PPFIA2: variants seen among roughly 807,000 people sequenced by gnomAD.
PPFIA2 encodes PPFI scaffold protein A2.
A neutral mutation model predicts 175.5 loss-of-function variants in PPFIA2; 46 were observed. That is an observed-to-expected ratio of 0.26 (90% CI 0.21 to 0.34). The LOEUF (loss-of-function observed/expected upper bound fraction) is 0.34. Ranked by LOEUF, PPFIA2 falls within the 10% of genes least tolerant of loss-of-function variation. The probability of loss-of-function intolerance (pLI) is 1.00; values close to 1 mark genes in which losing one functional copy is unlikely to be tolerated. For synonymous variants in PPFIA2, 568 were observed against 511.4 expected (o/e 1.11, Z -1.49); for missense variants, 1,179 against 1,506.1 (o/e 0.78, Z 3.60).
At chr12:81,339,424 G>C in intron 20 of PPFIA2, 90 bp from the exon 21 acceptor site, 1 of 1,037,532 alleles carries the variant, frequency 9.6e-7, no homozygotes, top group Non-Finnish European at 1.3e-6. Flanking sequence ...GGAGGAACAA[G>C]CAGACTTGTA....
intron 17 of PPFIA2, chr12:81,350,371 A>G (rs545331684): frequency 6.6e-6 from 1 of 152,340 alleles, no homozygotes; most frequent in South Asian, 2.1e-4. Context: ...AAAGCCAGAT[A>G]CATTTCTTGC....
At chr12:81,706,012 T>C (rs1174930424) in intron 3 of PPFIA2, among the ~76,000 whole-genome samples, 3 of 151,990 alleles carry the variant, frequency 2.0e-5, no homozygotes, top group African/African-American at 7.2e-5. Flanking sequence ...TTAAAAGTAT[T>C]TTTTTATTTA....
At position 81,485,365 on chromosome 12, in the gene PPFIA2, A is replaced by G. The variant is rs1403167617; in HGVS notation, c.304-27499T>C. Among the ~76,000 whole-genome samples, 9 of 151,668 alleles carry G rather than the reference A, an allele frequency of 5.9e-5. No homozygotes were observed. In the Admixed American group the frequency reaches 5.9e-4, roughly 10 times the overall value. ...TAATACACTTTATATAATTATTCTT[A>G]CATATTACATACTCAATAAATATAT... On this transcript the variant is annotated intron_variant, in intron 4 of 32. Transcript: ENST00000549396.
chr12:81,394,003 T>C lies in PPFIA2; in HGVS notation c.763-9759A>G, dbSNP rs566405424. ...GACAGTGGGTTATTGCAGTGGTGCA[T>C]GGATGGTGTTGGATTTTGAGGGAAC... On this transcript the variant is annotated intron_variant, in intron 8 of 32. Coordinates refer to ENST00000549396, the MANE Select transcript of PPFIA2 (RefSeq NM_003625.5). Among the ~76,000 whole-genome samples, 19 of 152,144 alleles carry C rather than the reference T, an allele frequency of 1.2e-4. No individual in the cohort carries two copies. The East Asian group carries it at 3.5e-3, about 28-fold the overall frequency.
intron 4 of PPFIA2, among the ~76,000 whole-genome samples, chr12:81,601,353 T>C (rs2059769871): frequency 6.6e-6 from 1 of 151,882 alleles, no homozygotes; most frequent in Non-Finnish European, 1.5e-5. Flanking sequence ...CTGGTAGCAA[T>C]AGGAAAGGTG....
rs201236206 is a variant in PPFIA2 at position 81,358,188 on chromosome 12, C to T, written c.1667G>A (p.Arg556Gln). 3.0e-5 allele frequency: 48 copies of T among 1,591,974 alleles called. No individual in the cohort carries two copies. Among genetic ancestry groups the T allele is most frequent in the East Asian group, 6.8e-5 (3 of 43,804 alleles). ...GTCCACTAGGGATCCCACTGAGTACCGCAACTCAGCTGAGGTGTCTAGATG... is the reference window on the plus strand; with the variant it reads ...GTCCACTAGGGATCCCACTGAGTACTGCAACTCAGCTGAGGTGTCTAGATG... ...RTHLDTSAELRYSVGSLVDSQ... is the reference protein window; with the variant it reads ...RTHLDTSAELQYSVGSLVDSQ... The change falls in exon 16 of 33, where the codon CGG becomes CAG. Residue 556 changes from arginine to glutamine, a missense_variant. This residue lies in a region of PPFIA2 where 186 missense variants were observed against 163.6 expected (regional missense o/e 1.14). Transcript: ENST00000549396.
intron 4 of PPFIA2, among the ~76,000 whole-genome samples, chr12:81,576,119 A>C (rs2073491346): frequency 6.6e-6 from 1 of 151,538 alleles, no homozygotes; most frequent in South Asian, 2.1e-4. Flanking sequence ...GTTCCCTTAC[A>C]ATTGAAGGGA....
chr12:81,667,302 G>A (rs533446433), intron 4 of PPFIA2, among the ~76,000 whole-genome samples: 1 of 152,100 alleles, frequency 6.6e-6, no homozygotes, highest in Non-Finnish European at 1.5e-5. Flanking sequence ...TTACCTCAAC[G>A]AAAATAGATT....
intron 4 of PPFIA2, among the ~76,000 whole-genome samples, chr12:81,506,484 C>T (rs1005823794): frequency 1.3e-5 from 2 of 152,166 alleles, no homozygotes; most frequent in African/African-American, 4.8e-5. Context: ...GATATTTGCT[C>T]ATTCTTTCTT....
Position 81,523,582 on chromosome 12 carries a change from G to C in PPFIA2, c.304-65716C>G, listed in dbSNP as rs146558528. On this transcript the variant is annotated intron_variant, in intron 4 of 32. Coordinates refer to ENST00000549396, the MANE Select transcript of PPFIA2 (RefSeq NM_003625.5). ...CTTTTTTTCATCTACATGCCTCTGG[G>C]AAATATTATTTCATTAAATAATAGA... is the stretch of plus-strand genomic sequence containing the variant. 2.0e-4 allele frequency among the ~76,000 whole-genome samples: 30 copies of C among 151,906 alleles called. No individual in the cohort carries two copies. The East Asian group carries it at 5.8e-3, about 29-fold the overall frequency.
At position 81,657,451 on chromosome 12, in the gene PPFIA2, G is replaced by C. The variant is rs570858126; in HGVS notation, c.303+19340C>G. Among the ~76,000 whole-genome samples the C allele has an allele frequency of 6.6e-5, 10 of 152,212 alleles. No individual in the cohort carries two copies. In the South Asian group the frequency reaches 1.9e-3, roughly 28 times the overall value. On this transcript the variant is annotated intron_variant, in intron 4 of 32. Transcript: ENST00000549396. ...CGTCCTGTTGCCTCGGGCTATCCTGGAGATTGGCCTTCAGACTCACCTTCT... is the reference window on the plus strand; with the variant it reads ...CGTCCTGTTGCCTCGGGCTATCCTGCAGATTGGCCTTCAGACTCACCTTCT...
At chr12:81,659,697 G>GA (rs1012800817) in intron 4 of PPFIA2, among the ~76,000 whole-genome samples, 1 of 152,126 alleles carries the variant, frequency 6.6e-6, no homozygotes, top group African/African-American at 2.4e-5. Context: ...TGACAGCTTG[G>GA]AAGACAGTAC....
At chr12:81,591,980 G>T (rs553482217) in intron 4 of PPFIA2, among the ~76,000 whole-genome samples, 2 of 152,288 alleles carry the variant, frequency 1.3e-5, no homozygotes, top group Admixed American at 1.3e-4. Context: ...ACTGGCCCAT[G>T]AAAGCAGCCA....
At chr12:81,329,872 G>A (rs576072545) in intron 21 of PPFIA2, among the ~76,000 whole-genome samples, 2 of 152,304 alleles carry the variant, frequency 1.3e-5, no homozygotes, top group Non-Finnish European at 2.9e-5. Context: ...CCCCGGGTCC[G>A]GGTCTCAGCT....
intron 4 of PPFIA2, among the ~76,000 whole-genome samples, chr12:81,626,529 C>T (rs2062728676): frequency 6.6e-6 from 1 of 151,990 alleles, no homozygotes; most frequent in Non-Finnish European, 1.5e-5. Flanking sequence ...GAATTTATCT[C>T]TTGTGCTGTT....
chr12:81,297,762 G>C lies in PPFIA2; in HGVS notation c.2724+1539C>G, dbSNP rs1205695547. 2.6e-5 allele frequency among the ~76,000 whole-genome samples: 4 copies of C among 152,098 alleles called. No individual in the cohort carries two copies. In the East Asian group the frequency reaches 7.7e-4, roughly 29 times the overall value. On this transcript the variant is annotated intron_variant, in intron 23 of 32. Transcript: ENST00000549396. Reference sequence around the variant, plus strand: ...TTGTTACCAATGTCATCCATAATTAGACCTTAAAGAGTCTTTGATGCGGAT... The same window carrying C: ...TTGTTACCAATGTCATCCATAATTACACCTTAAAGAGTCTTTGATGCGGAT...
At chr12:81,400,484 A>G (rs2041930858) in intron 8 of PPFIA2, among the ~76,000 whole-genome samples, 1 of 152,168 alleles carries the variant, frequency 6.6e-6, no homozygotes, top group Non-Finnish European at 1.5e-5. Flanking sequence ...CGATCTGAGG[A>G]TTATTCTTGC....
chr12:81,532,717 TC>T (rs2064769353), intron 4 of PPFIA2, among the ~76,000 whole-genome samples: 1 of 151,816 alleles, frequency 6.6e-6, no homozygotes, highest in Admixed American at 6.6e-5. Flanking sequence ...TGCAGCCAAT[TC>T]TTTTTATTAT....
chr12:81,668,347 T>G (rs184830563), intron 4 of PPFIA2, among the ~76,000 whole-genome samples: 7 of 152,156 alleles, frequency 4.6e-5, no homozygotes, highest in Non-Finnish European at 7.4e-5. Context: ...TCTTTCTCAC[T>G]GGCCTAATTT....
Sources: gnomAD v4.1 joint callset for allele counts (sites outside exome capture counted in the v4.1 genomes callset) on GRCh38, gnomAD v4.1.1 for gene constraint, gnomAD v4.1.1 regional missense constraint, MANE v1.5 for transcripts, NCBI Gene and HGNC (gene_info 2026-07-23, HGNC 2026-07-21) for gene names.